Variants in EIF4E3 observed in about 807,000 individuals in gnomAD.
The protein encoded by EIF4E3 is eukaryotic translation initiation factor 4E family member 3.
Under a neutral mutation model 31.7 loss-of-function variants are expected in EIF4E3, and 26 were observed. That is an observed-to-expected ratio of 0.82 (90% confidence interval 0.60 to 1.14). EIF4E3 has a LOEUF of 1.14. Among genes scored for constraint, EIF4E3 ranks in the 50% most tolerant of loss-of-function variants. The pLI is 0.00. For missense variants in EIF4E3, 304 were observed against 270.9 expected, an observed-to-expected ratio of 1.12 and a Z score of -0.86; for synonymous variants, 128 against 107.7, an observed-to-expected ratio of 1.19 and a Z score of -1.17.
intron 4 of EIF4E3, among the ~76,000 whole-genome samples, chr3:71,695,831 G>A (rs578018385): frequency 2.1e-4 from 32 of 152,250 alleles, no homozygotes; most frequent in South Asian, 8.3e-4. Context: ...TAAGATAACC[G>A]ATTTTAATGT....
At chr3:71,693,583 G>T (rs1343410629) in intron 5 of EIF4E3, among the ~76,000 whole-genome samples, 1 of 152,022 alleles carries the variant, frequency 6.6e-6, no homozygotes, top group Non-Finnish European at 1.5e-5. Context: ...TATTTATTTT[G>T]GACAGATGGT....
chr3:71,674,617 C>G (rs1427955451), downstream of EIF4E3, among the ~76,000 whole-genome samples: 2 of 152,150 alleles, frequency 1.3e-5, no homozygotes, highest in Non-Finnish European at 2.9e-5. Flanking sequence ...GGTTTGGCCA[C>G]AGTGTTGCCA....
intron 2 of EIF4E3, among the ~76,000 whole-genome samples, chr3:71,703,992 C>G (rs1373157583): frequency 6.6e-6 from 1 of 152,148 alleles, no homozygotes; most frequent in East Asian, 1.9e-4. Context: ...GGCATCTGAA[C>G]CGAATAGGCA....
intron 6 of EIF4E3, among the ~76,000 whole-genome samples, chr3:71,684,969 T>C (rs2048971870): frequency 6.6e-6 from 1 of 152,210 alleles, no homozygotes; most frequent in South Asian, 2.1e-4. Context: ...TGCCTGTTTC[T>C]TCTTGCTGTG....
chr3:71,730,377 T>C (rs1320382628), upstream of EIF4E3, among the ~76,000 whole-genome samples: 1 of 152,226 alleles, frequency 6.6e-6, no homozygotes, highest in Non-Finnish European at 1.5e-5. Context: ...CTCTGAGCCA[T>C]GTATAAGAAA....
At position 71,676,974 on chromosome 3, in the gene EIF4E3, T is replaced by C. The variant is rs1270399471; in HGVS notation, c.*7708A>G. 3 of 152,220 alleles carry C rather than the reference T, an allele frequency of 2.0e-5. No individual in the cohort carries two copies. Among genetic ancestry groups the C allele is most frequent in the African/African-American group, 4.8e-5 (2 of 41,534 alleles). 9.4% of individuals were successfully genotyped at this position (152,220 alleles called of 1,614,324 possible). On this transcript the variant is annotated 3_prime_UTR_variant, in exon 7 of 7. Transcript: ENST00000425534. The stretch of plus-strand genomic sequence containing the variant: ...TAATCCTATATGTGCAAAAAACAAA[T>C]GATTTAAGTTTCCTGAGTTAAAGAG...
chr3:71,664,588 T>C, the EIF4E3 span, among the ~76,000 whole-genome samples: 2 of 152,114 alleles, frequency 1.3e-5, no homozygotes, highest in African/African-American at 4.8e-5. Flanking sequence ...AGAGGCCCAT[T>C]CTGTCTCTTT....
intron 1 of EIF4E3, among the ~76,000 whole-genome samples, chr3:71,752,844 G>A (rs1268373120): frequency 1.3e-5 from 2 of 152,212 alleles, no homozygotes; most frequent in South Asian, 2.1e-4. Context: ...CCAGGCAGAG[G>A]TACCAGCACA....
the EIF4E3 span, among the ~76,000 whole-genome samples, chr3:71,667,581 A>G: frequency 7.2e-5 from 11 of 152,346 alleles, no homozygotes; most frequent in East Asian, 2.1e-3. Flanking sequence ...CGATGTGCAA[A>G]AATCACAAGC....
intron 1 of EIF4E3, among the ~76,000 whole-genome samples, chr3:71,734,043 C>T (rs1448793527): frequency 6.6e-6 from 1 of 152,206 alleles, no homozygotes; most frequent in East Asian, 1.9e-4. Flanking sequence ...ACTCACAATA[C>T]AGAAAGATCC....
chr3:71,669,726 A>G, the EIF4E3 span, among the ~76,000 whole-genome samples: 1 of 152,246 alleles, frequency 6.6e-6, no homozygotes, highest in Non-Finnish European at 1.5e-5. Flanking sequence ...TTGCTGTTTT[A>G]TTTTGAGTGA....
intron 1 of EIF4E3, among the ~76,000 whole-genome samples, chr3:71,735,653 A>G (rs183042640): frequency 2.0e-4 from 31 of 152,326 alleles, no homozygotes; most frequent in African/African-American, 6.5e-4. Flanking sequence ...AACACATGGC[A>G]CAAACTAATT....
chr3:71,684,813 A>C, intron 6 of EIF4E3, 85 bp from the exon 7 acceptor site: 19 of 1,410,758 alleles, frequency 1.3e-5, no homozygotes, highest in Non-Finnish European at 1.8e-5. Context: ...TAGGCATCTC[A>C]TTCAGCTTCC....
chr3:71,708,908 G>C (rs911807861), intron 2 of EIF4E3, among the ~76,000 whole-genome samples: 1 of 152,152 alleles, frequency 6.6e-6, no homozygotes, highest in Non-Finnish European at 1.5e-5. Flanking sequence ...CTGCTGCTCT[G>C]CTTCCCACAA....
chr3:71,707,838 G>A (rs1370471893), intron 2 of EIF4E3, among the ~76,000 whole-genome samples: 2 of 151,306 alleles, frequency 1.3e-5, no homozygotes, highest in South Asian at 4.2e-4. Flanking sequence ...TGTGACTCAG[G>A]AAAGTGGTTC....
chr3:71,748,241 C>A, intron 1 of EIF4E3, among the ~76,000 whole-genome samples: 1 of 151,742 alleles, frequency 6.6e-6, no homozygotes, highest in African/African-American at 2.4e-5. Flanking sequence ...ATGGTAAATA[C>A]AGTATTTGAG....
the EIF4E3 span, among the ~76,000 whole-genome samples, chr3:71,669,445 G>A: frequency 3.6e-4 from 55 of 152,208 alleles, no homozygotes; most frequent in African/African-American, 7.5e-4. Context: ...AACCTGTATC[G>A]TCATGGATAA....
chr3:71,704,157 A>G (rs2049257845), intron 2 of EIF4E3, among the ~76,000 whole-genome samples: 1 of 152,240 alleles, frequency 6.6e-6, no homozygotes. Context: ...CCAAGTGTGG[A>G]GTTGTGATCA....
intron 1 of EIF4E3, among the ~76,000 whole-genome samples, chr3:71,737,697 AG>A (rs961397917): frequency 6.6e-6 from 1 of 152,002 alleles, no homozygotes; most frequent in African/African-American, 2.4e-5. Context: ...AGGCTAAGGC[AG>A]GGGGATTGCT....
Sources: allele counts gnomAD v4.1 joint callset (sites outside exome capture counted in the v4.1 genomes callset), GRCh38; gene constraint gnomAD v4.1.1; transcripts MANE v1.5; gene names NCBI Gene and HGNC (gene_info 2026-07-23, HGNC 2026-07-21).